AMPD3: variants seen among roughly 807,000 people sequenced by gnomAD.
AMPD3 encodes adenosine monophosphate deaminase 3.
Under a neutral mutation model 82.3 loss-of-function variants are expected in AMPD3, and 57 were observed. The observed-to-expected ratio is 0.69, with a 90% CI of 0.56 to 0.86. The LOEUF is 0.86. AMPD3 is among the 40% of genes least tolerant of loss of function. The probability of loss-of-function intolerance (pLI) is 0.00; values close to 1 mark genes in which losing one functional copy is unlikely to be tolerated. For missense variants in AMPD3, 870 were observed against 1,003.8 expected, an observed-to-expected ratio of 0.87 and a Z score of 1.80; for synonymous variants, 381 against 394.7, an observed-to-expected ratio of 0.97 and a Z score of 0.41.
intron 1 of AMPD3, 69 bp from the exon 2 acceptor site, chr11:10,461,446 G>C: frequency 6.2e-7 from 1 of 1,610,978 alleles, no homozygotes; most frequent in Non-Finnish European, 8.5e-7. Context: ...CCTCACTTCA[G>C]TGCCTTCTCT....
intron 2 of AMPD3, among the ~76,000 whole-genome samples, chr11:10,469,321 C>G (rs975689151): frequency 6.6e-6 from 1 of 152,076 alleles, no homozygotes; most frequent in Non-Finnish European, 1.5e-5. Flanking sequence ...GGTATCACCA[C>G]TGATCCCACA....
chr11:10,460,099 A>T (rs187755365), intron 1 of AMPD3, among the ~76,000 whole-genome samples: 2,277 of 145,500 alleles, frequency 0.016, 25 homozygotes, highest in Middle Eastern at 0.036. Context: ...ATATATATAT[A>T]TTTTATTTTT....
upstream of AMPD3, among the ~76,000 whole-genome samples, chr11:10,451,283 G>A (rs899970797): frequency 3.3e-5 from 5 of 152,228 alleles, no homozygotes; most frequent in Admixed American, 2.6e-4. Flanking sequence ...GCAGCATCCC[G>A]ATTCCCTGGC....
intron 6 of AMPD3, chr11:10,490,383 A>G: frequency 1.5e-6 from 1 of 677,880 alleles, no homozygotes; most frequent in Non-Finnish European, 1.8e-6. Context: ...AACCTGACCA[A>G]TTAGGGGCCA....
In AMPD3 at chr11:10,505,803, C is replaced by G; in HGVS notation, c.2223C>G (p.Phe741Leu). 1 of 1,614,188 alleles carries G rather than the reference C, an allele frequency of 6.2e-7. No individual in the cohort carries two copies. Among genetic ancestry groups the G allele is most frequent in the Non-Finnish European group, 8.5e-7 (1 of 1,180,042 alleles). ...ATGTGGCTCAGATCCGGATGGCATT[C>G]CGATATGAGACCTTATGCAATGAGC... ...KTNVAQIRMA[F>L]RYETLCNELS... The change falls in exon 15 of 15, where the codon TTC (phenylalanine) becomes TTG (leucine). Residue 741 changes from phenylalanine to leucine, a missense_variant. Coordinates refer to ENST00000396553, the MANE Select transcript of AMPD3 (RefSeq NM_001025389.2).
At chr11:10,462,112 C>T (rs1848288696) in intron 2 of AMPD3, among the ~76,000 whole-genome samples, 1 of 152,164 alleles carries the variant, frequency 6.6e-6, no homozygotes, top group African/African-American at 2.4e-5. Context: ...GGGTGCTGTG[C>T]TGGGACTGGA....
chr11:10,494,633 A>G, intron 7 of AMPD3: 1 of 985,424 alleles, frequency 1.0e-6, no homozygotes, highest in Non-Finnish European at 1.2e-6. Flanking sequence ...TCACTAAGTC[A>G]GCCATGTCCT....
chr11:10,493,807 C>T, intron 7 of AMPD3: 1 of 554,368 alleles, frequency 1.8e-6, no homozygotes, highest in Non-Finnish European at 3.3e-6. Flanking sequence ...TGCCCTTAGG[C>T]AACTCACAGA....
intron 10 of AMPD3, among the ~76,000 whole-genome samples, chr11:10,498,977 A>G (rs1849501016): frequency 6.6e-6 from 1 of 152,150 alleles, no homozygotes; most frequent in African/African-American, 2.4e-5. Context: ...CCAAGGTAGA[A>G]CTGCAGTGGA....
At chr11:10,491,143 A>G (rs1849229808) in intron 6 of AMPD3, among the ~76,000 whole-genome samples, 2 of 152,208 alleles carry the variant, frequency 1.3e-5, no homozygotes, top group South Asian at 4.1e-4. Context: ...CTGAGCGCCC[A>G]GTCGGCCGCA....
intron 2 of AMPD3, among the ~76,000 whole-genome samples, chr11:10,475,813 A>T (rs530474413): frequency 6.6e-6 from 1 of 152,198 alleles, no homozygotes; most frequent in East Asian, 1.9e-4. Flanking sequence ...GGTCAATAGG[A>T]GTTGAGAGTG....
chr11:10,500,965 G>T, intron 11 of AMPD3: 1 of 985,406 alleles, frequency 1.0e-6, no homozygotes, highest in Non-Finnish European at 1.2e-6. Context: ...TTTCGAATGG[G>T]GTCCTGATTG....
At chr11:10,497,518 A>G (rs1849448937) in intron 10 of AMPD3, 1 of 935,400 alleles carries the variant, frequency 1.1e-6, no homozygotes. Flanking sequence ...GGGGTATCAG[A>G]TGGTGATACA....
In AMPD3 at chr11:10,488,433, G is replaced by A. The variant is rs567027705; in HGVS notation, c.939+1069G>A. 1.9e-5 allele frequency: 19 copies of A among 984,522 alleles called. No homozygotes were observed. The South Asian group carries it at 7.5e-4, about 39-fold the overall frequency. The allele number at this position is 984,522 out of a possible 1,614,324, so 61.0% of individuals were successfully genotyped here. ...GTGGTGGCATTCCAGGTAGAGGCACGTGATGTGCAAATGTCAGGAGGGAGG... is the reference window on the plus strand; with the variant it reads ...GTGGTGGCATTCCAGGTAGAGGCACATGATGTGCAAATGTCAGGAGGGAGG... On this transcript the variant is annotated intron_variant, in intron 6 of 14. Transcript: ENST00000396553.
intron 13 of AMPD3, chr11:10,504,087 G>A (rs1431719707): frequency 1.1e-6 from 1 of 929,214 alleles, no homozygotes; most frequent in African/African-American, 1.8e-5. Context: ...TTTTTTTGAT[G>A]TTCCATCTCT....
chr11:10,472,706 A>G (rs1216223489), intron 2 of AMPD3, among the ~76,000 whole-genome samples: 1 of 152,172 alleles, frequency 6.6e-6, no homozygotes, highest in Non-Finnish European at 1.5e-5. Flanking sequence ...CCCCTTTTAA[A>G]GTTAGGGAGA....
At chr11:10,477,261 C>T (rs971612847) in intron 2 of AMPD3, among the ~76,000 whole-genome samples, 6 of 152,180 alleles carry the variant, frequency 3.9e-5, no homozygotes, top group African/African-American at 1.4e-4. Context: ...GTCACTGAGT[C>T]CTTGCTGGTG....
intron 2 of AMPD3, chr11:10,473,687 C>T (rs985811713): frequency 3.8e-6 from 3 of 799,282 alleles, no homozygotes; most frequent in Non-Finnish European, 4.5e-6. Flanking sequence ...GCCCATCGTG[C>T]AGCATATTTC....
At chr11:10,458,651 C>T (rs1023635067) in intron 1 of AMPD3, among the ~76,000 whole-genome samples, 3 of 152,108 alleles carry the variant, frequency 2.0e-5, no homozygotes, top group Admixed American at 6.5e-5. Context: ...TATGTGATTG[C>T]ACCATCCTCA....
Sources: allele counts gnomAD v4.1 joint callset (sites outside exome capture counted in the v4.1 genomes callset), GRCh38; gene constraint gnomAD v4.1.1; transcripts MANE v1.5; gene names NCBI Gene and HGNC (gene_info 2026-07-23, HGNC 2026-07-21).